Variants in ERBB4 observed in about 807,000 individuals in gnomAD.
ERBB4 encodes the protein receptor tyrosine-protein kinase erbB-4.
In ERBB4, 42 loss-of-function variants were observed where a neutral mutation model predicts 158.0. That is an observed-to-expected ratio of 0.27 (90% CI 0.21 to 0.34). The LOEUF (loss-of-function observed/expected upper bound fraction) is 0.34, where lower values mean the gene tolerates loss of function less well. ERBB4 is among the 10% of genes least tolerant of loss of function. ERBB4 has a pLI of 1.00. For missense variants in ERBB4, 1,333 were observed against 1,624.1 expected, an observed-to-expected ratio of 0.82 and a Z score of 3.08; for synonymous variants, 583 against 558.7, an observed-to-expected ratio of 1.04 and a Z score of -0.61.
chr2:212,326,384 T>C (rs1278678398), intron 1 of ERBB4, among the ~76,000 whole-genome samples: 2 of 150,750 alleles, frequency 1.3e-5, no homozygotes, highest in Non-Finnish European at 3.0e-5. Context: ...ACAAGAAGTT[T>C]AATAACAAAC....
chr2:211,424,409 C>CAATCA, intron 22 of ERBB4, 108 bp from the exon 23 acceptor site: 1 of 706,572 alleles, frequency 1.4e-6, no homozygotes. Context: ...ATCCAAACAC[C>CAATCA]AATCAATTAA....
chr2:211,439,715 G>T (rs150535991), intron 20 of ERBB4, among the ~76,000 whole-genome samples: 4 of 152,068 alleles, frequency 2.6e-5, no homozygotes, highest in African/African-American at 7.2e-5. Context: ...GGTTTCACTG[G>T]GTTCTTGTCA....
intron 20 of ERBB4, among the ~76,000 whole-genome samples, chr2:211,496,935 A>G (rs1439193276): frequency 6.6e-6 from 1 of 151,430 alleles, no homozygotes; most frequent in East Asian, 1.9e-4. Flanking sequence ...CTGACATTTC[A>G]TACTCTTTTT....
At chr2:212,216,061 C>T (rs16847917) in intron 1 of ERBB4, among the ~76,000 whole-genome samples, 14,174 of 151,130 alleles carry the variant, frequency 0.094, 1,048 homozygotes, top group African/African-American at 0.21. Context: ...AGATTTGCGC[C>T]GGTGTTATGG....
chr2:212,168,191 T>C (rs2081408107), intron 1 of ERBB4, among the ~76,000 whole-genome samples: 1 of 152,200 alleles, frequency 6.6e-6, no homozygotes, highest in Non-Finnish European at 1.5e-5. Flanking sequence ...TTTTCTTTTT[T>C]ATAAATGAAA....
chr2:212,164,403 G>A (rs2081288563), intron 1 of ERBB4, among the ~76,000 whole-genome samples: 1 of 151,888 alleles, frequency 6.6e-6, no homozygotes, highest in South Asian at 2.1e-4. Flanking sequence ...TATTTTTAAT[G>A]TGGCTAGTAA....
intron 3 of ERBB4, among the ~76,000 whole-genome samples, chr2:211,820,106 T>C (rs2076962621): frequency 6.6e-6 from 1 of 151,748 alleles, no homozygotes; most frequent in Non-Finnish European, 1.5e-5. Context: ...GTAAGGTACA[T>C]AAACAGATAA....
intron 1 of ERBB4, among the ~76,000 whole-genome samples, chr2:212,337,864 T>C (rs972933022): frequency 1.8e-5 from 2 of 112,902 alleles, no homozygotes; most frequent in African/African-American, 6.3e-5. Context: ...TTGGGTCTTG[T>C]CTTGATAATC....
intron 20 of ERBB4, among the ~76,000 whole-genome samples, chr2:211,550,264 C>T (rs2067050407): frequency 6.6e-6 from 1 of 151,902 alleles, no homozygotes; most frequent in Non-Finnish European, 1.5e-5. Flanking sequence ...TAAGTCTGTA[C>T]ATTTATTCAT....
intron 19 of ERBB4, among the ~76,000 whole-genome samples, chr2:211,595,173 A>T (rs1292080930): frequency 6.6e-6 from 1 of 152,242 alleles, no homozygotes; most frequent in Non-Finnish European, 1.5e-5. Flanking sequence ...TTATAGAATA[A>T]GGTAATAATC....
At chr2:211,727,729 T>C (rs923132570) in intron 5 of ERBB4, among the ~76,000 whole-genome samples, 3 of 152,048 alleles carry the variant, frequency 2.0e-5, no homozygotes, top group Non-Finnish European at 4.4e-5. Flanking sequence ...ATGCACAATA[T>C]TGAAAGATAA....
intron 1 of ERBB4, among the ~76,000 whole-genome samples, chr2:212,526,390 A>G (rs6435708): frequency 6.6e-6 from 1 of 151,916 alleles, no homozygotes; most frequent in Non-Finnish European, 1.5e-5. Context: ...CTATTTCAAT[A>G]TATCTTGAAG....
At chr2:211,606,870 A>G (rs774050289) in intron 19 of ERBB4, among the ~76,000 whole-genome samples, 2 of 152,170 alleles carry the variant, frequency 1.3e-5, no homozygotes, top group Non-Finnish European at 2.9e-5. Flanking sequence ...TGTTTTAATC[A>G]CAAGAGGAAA....
chr2:211,490,245 A>G (rs116521316), intron 20 of ERBB4, among the ~76,000 whole-genome samples: 2,915 of 152,166 alleles, frequency 0.019, 105 homozygotes, highest in African/African-American at 0.066. Flanking sequence ...CTTCTGAACT[A>G]TGTCTATGTA....
intron 3 of ERBB4, among the ~76,000 whole-genome samples, chr2:211,855,520 C>A (rs2077834449): frequency 6.6e-6 from 1 of 152,110 alleles, no homozygotes; most frequent in African/African-American, 2.4e-5. Flanking sequence ...AGATTTGAAT[C>A]AAGACAATTT....
At chr2:211,706,188 A>C (rs779708172) in intron 9 of ERBB4, among the ~76,000 whole-genome samples, 7 of 152,180 alleles carry the variant, frequency 4.6e-5, no homozygotes, top group Non-Finnish European at 1.0e-4. Context: ...CTACTTCTTC[A>C]AGACAGATCA....
chr2:212,433,232 G>T (rs1350625705), intron 1 of ERBB4, among the ~76,000 whole-genome samples: 1 of 151,894 alleles, frequency 6.6e-6, no homozygotes, highest in East Asian at 1.9e-4. Flanking sequence ...TCCACTAACT[G>T]ACATTTTTAC....
chr2:211,898,102 G>T (rs2079146310), intron 3 of ERBB4, among the ~76,000 whole-genome samples: 3 of 151,802 alleles, frequency 2.0e-5, no homozygotes, highest in Admixed American at 2.0e-4. Context: ...ACTTTGAAAT[G>T]AATAGATCAT....
In ERBB4 at chr2:211,429,444, T is replaced by C. The variant is rs528896961; in HGVS notation, c.2644-961A>G. ...TACCATTTTCAAAATAGGAACTATA[T>C]AAAAGAATGTGAAAGGATCAGCACA... On this transcript the variant is annotated intron_variant, in intron 21 of 27. Transcript: ENST00000342788. Among the ~76,000 whole-genome samples the C allele has an allele frequency of 2.0e-5, 3 of 152,274 alleles. No homozygotes were observed. The East Asian group carries it at 5.8e-4, about 29-fold the overall frequency.
Sources: gnomAD v4.1 joint callset for allele counts (sites outside exome capture counted in the v4.1 genomes callset) on GRCh38, gnomAD v4.1.1 for gene constraint, MANE v1.5 for transcripts, NCBI Gene and HGNC (gene_info 2026-07-23, HGNC 2026-07-21) for gene names.